MTUS2: variants seen among roughly 807,000 people sequenced by gnomAD.
MTUS2 encodes microtubule-associated tumor suppressor candidate 2.
Under a neutral mutation model 114.1 loss-of-function variants are expected in MTUS2, and 40 were observed. That is an observed-to-expected ratio of 0.35 (90% confidence interval 0.27 to 0.46). The LOEUF (loss-of-function observed/expected upper bound fraction) is 0.46, where lower values mean the gene tolerates loss of function less well. Ranked by LOEUF, MTUS2 falls within the 20% of genes least tolerant of loss-of-function variation. MTUS2 has a pLI of 1.00. For synonymous variants in MTUS2, 688 were observed against 672.0 expected, an observed-to-expected ratio of 1.02 and a Z score of -0.37; for missense variants, 1,679 against 1,705.4, an observed-to-expected ratio of 0.98 and a Z score of 0.27.
At chr13:29,277,852 A>G (rs1898123847) in intron 5 of MTUS2, among the ~76,000 whole-genome samples, 2 of 152,232 alleles carry the variant, frequency 1.3e-5, no homozygotes, top group African/African-American at 4.8e-5. Flanking sequence ...CAAAAGCTCA[A>G]GATGAAGAGA....
intron 6 of MTUS2, among the ~76,000 whole-genome samples, chr13:29,317,794 C>T (rs1054620734): frequency 1.3e-5 from 2 of 152,148 alleles, no homozygotes; most frequent in Non-Finnish European, 2.9e-5. Context: ...ATATTCTGAT[C>T]GAGATAATGT....
intron 2 of MTUS2, among the ~76,000 whole-genome samples, chr13:28,989,848 TTTTG>T (rs1432958229): frequency 5.8e-5 from 6 of 103,256 alleles, no homozygotes; most frequent in Non-Finnish European, 8.1e-5. Flanking sequence ...TTTTGTTTTG[TTTTG>T]TTTTTTTTTT....
chr13:29,136,179 T>C (rs1891969893), intron 5 of MTUS2, among the ~76,000 whole-genome samples: 1 of 152,236 alleles, frequency 6.6e-6, no homozygotes, highest in Non-Finnish European at 1.5e-5. Context: ...TTTTAGCATT[T>C]CTCGCAGGGC....
intron 6 of MTUS2, among the ~76,000 whole-genome samples, chr13:29,304,915 A>C (rs1471206352): frequency 6.6e-6 from 1 of 152,190 alleles, no homozygotes; most frequent in Non-Finnish European, 1.5e-5. Context: ...AAATGTAAAA[A>C]AAAACAACAA....
At chr13:29,338,216 A>T (rs9579348) in intron 7 of MTUS2, among the ~76,000 whole-genome samples, 41,173 of 151,992 alleles carry the variant, frequency 0.27, 6,219 homozygotes, top group African/African-American at 0.41. Context: ...GTACATTTTG[A>T]AGAGGTTATG....
At chr13:29,473,091 T>C (rs1333445210) in intron 9 of MTUS2, among the ~76,000 whole-genome samples, 3 of 152,172 alleles carry the variant, frequency 2.0e-5, no homozygotes, top group Non-Finnish European at 4.4e-5. Flanking sequence ...TAAATATGTA[T>C]AATGTGCATG....
chr13:28,982,955 G>A (rs1884424896), intron 2 of MTUS2, among the ~76,000 whole-genome samples: 1 of 152,172 alleles, frequency 6.6e-6, no homozygotes, highest in Non-Finnish European at 1.5e-5. Flanking sequence ...ATGGATGGTG[G>A]TGATGGTTGC....
In MTUS2 at chr13:28,938,781, C is replaced by A. The variant is rs115981076; in HGVS notation, c.-242-85676C>A. Reference sequence around the variant, plus strand: ...CCTTACTAAAGACTAAATAAGCCAGCGAGTTAAGTGCTTCGGGCGTACTGA... The same window carrying A: ...CCTTACTAAAGACTAAATAAGCCAGAGAGTTAAGTGCTTCGGGCGTACTGA... On this transcript the variant is annotated intron_variant, in intron 2 of 15. Coordinates refer to ENST00000612955, the MANE Select transcript of MTUS2 (RefSeq NM_001033602.4). Among the ~76,000 whole-genome samples, 569 of 152,128 alleles carry A rather than the reference C, an allele frequency of 3.7e-3. 3 individuals carry two copies. Among genetic ancestry groups the A allele is most frequent in the African/African-American group, 0.013 (550 of 41,478 alleles).
Position 28,906,040 on chromosome 13 carries a change from G to A in MTUS2, c.-243+66190G>A, listed in dbSNP as rs568613339. 1.5e-4 allele frequency among the ~76,000 whole-genome samples: 22 copies of A among 151,672 alleles called. No individual in the cohort carries two copies. In the South Asian group the frequency reaches 3.1e-3, roughly 22 times the overall value. On this transcript the variant is annotated intron_variant, in intron 2 of 15. Transcript: ENST00000612955. ...CTTTTAGTTTTTCTAGTTTATTTGC[G>A]TAGAGTTGTTTGTAGTATTCTCTGA...
chr13:28,991,067 G>A (rs1031785255), intron 2 of MTUS2, among the ~76,000 whole-genome samples: 2 of 152,186 alleles, frequency 1.3e-5, no homozygotes, highest in African/African-American at 2.4e-5. Flanking sequence ...GAGAACTGTC[G>A]TGATCACATT....
intron 5 of MTUS2, among the ~76,000 whole-genome samples, chr13:29,206,316 C>G (rs1408247851): frequency 6.6e-6 from 1 of 152,168 alleles, no homozygotes; most frequent in Non-Finnish European, 1.5e-5. Flanking sequence ...AGTCCTTTGT[C>G]AGATGCATAG....
intron 5 of MTUS2, among the ~76,000 whole-genome samples, chr13:29,133,215 T>G (rs1891838835): frequency 6.6e-6 from 1 of 152,170 alleles, no homozygotes; most frequent in Admixed American, 6.5e-5. Flanking sequence ...GTATTGTTTG[T>G]TTTTTGTTAT....
At chr13:29,097,510 G>C (rs900261302) in intron 4 of MTUS2, among the ~76,000 whole-genome samples, 2 of 152,082 alleles carry the variant, frequency 1.3e-5, no homozygotes, top group Non-Finnish European at 2.9e-5. Context: ...CTATATTCTT[G>C]AATAGTCCAA....
intron 2 of MTUS2, among the ~76,000 whole-genome samples, chr13:28,898,010 C>T (rs1879390024): frequency 6.6e-6 from 1 of 151,972 alleles, no homozygotes; most frequent in Non-Finnish European, 1.5e-5. Flanking sequence ...TGTGACTAAC[C>T]TGCACATTGT....
intron 5 of MTUS2, among the ~76,000 whole-genome samples, chr13:29,240,718 A>G (rs1331324153): frequency 6.6e-6 from 1 of 152,190 alleles, no homozygotes; most frequent in African/African-American, 2.4e-5. Context: ...TAAACAGTGG[A>G]ACCCTGATTG....
intron 5 of MTUS2, among the ~76,000 whole-genome samples, chr13:29,111,280 AATAAG>A (rs1313089358): frequency 6.6e-6 from 1 of 152,190 alleles, no homozygotes; most frequent in Non-Finnish European, 1.5e-5. Context: ...TCTCTGTCTT[AATAAG>A]ATAAAAATTT....
intron 5 of MTUS2, among the ~76,000 whole-genome samples, chr13:29,171,987 C>T (rs1566046060): frequency 1.3e-5 from 2 of 152,194 alleles, no homozygotes; most frequent in African/African-American, 4.8e-5. Flanking sequence ...TGGGAAAGGT[C>T]CTGTTTCTTC....
chr13:29,311,447 G>T (rs937006691), intron 6 of MTUS2, among the ~76,000 whole-genome samples: 1 of 152,168 alleles, frequency 6.6e-6, no homozygotes, highest in African/African-American at 2.4e-5. Context: ...AGTTGATTAA[G>T]AAAAATATGT....
At chr13:28,847,844 C>G (rs757291697) in intron 2 of MTUS2, among the ~76,000 whole-genome samples, 91 of 152,216 alleles carry the variant, frequency 6.0e-4, no homozygotes, top group Non-Finnish European at 6.6e-4. Context: ...ATAGATGCAG[C>G]CTCTGGGCGC....
Sources: allele counts gnomAD v4.1 joint callset (sites outside exome capture counted in the v4.1 genomes callset), GRCh38; gene constraint gnomAD v4.1.1; transcripts MANE v1.5; gene names NCBI Gene and HGNC (gene_info 2026-07-23, HGNC 2026-07-21).